COL25A1: variants seen among roughly 807,000 people sequenced by gnomAD.
COL25A1 encodes the protein collagen type XXV alpha 1 chain.
A neutral mutation model predicts 128.4 loss-of-function variants in COL25A1; 103 were observed. The observed-to-expected ratio is 0.80, with a 90% confidence interval of 0.68 to 0.94. COL25A1 has a LOEUF of 0.94. Ranked by LOEUF, COL25A1 falls within the 40% of genes least tolerant of loss-of-function variation. COL25A1 has a pLI of 0.00. For synonymous variants in COL25A1, 279 were observed against 277.2 expected (o/e 1.01, Z -0.06); for missense variants, 745 against 840.0 (o/e 0.89, Z 1.40).
intron 35 of COL25A1, among the ~76,000 whole-genome samples, chr4:108,820,808 A>G (rs1731704650): frequency 2.0e-5 from 3 of 152,160 alleles, no homozygotes; most frequent in African/African-American, 7.2e-5. Flanking sequence ...GTGGGAATGT[A>G]GCTATGGAAA....
chr4:108,876,265 G>A (rs996765975), intron 19 of COL25A1, among the ~76,000 whole-genome samples: 2 of 151,440 alleles, frequency 1.3e-5, no homozygotes, highest in African/African-American at 4.9e-5. Flanking sequence ...AAAGAAGGAA[G>A]AAAAGGATGA....
intron 8 of COL25A1, among the ~76,000 whole-genome samples, chr4:108,967,907 T>C (rs890102327): frequency 6.6e-6 from 1 of 152,134 alleles, no homozygotes; most frequent in Non-Finnish European, 1.5e-5. Context: ...TACAAAGCTA[T>C]GAGGATGAAA....
At chr4:109,039,264 C>T (rs1759641552) in intron 5 of COL25A1, among the ~76,000 whole-genome samples, 2 of 152,114 alleles carry the variant, frequency 1.3e-5, no homozygotes, top group South Asian at 4.2e-4. Context: ...TTTAGCCCTT[C>T]TAAGACTGCA....
At chr4:108,946,447 C>A (rs571108812) in intron 8 of COL25A1, among the ~76,000 whole-genome samples, 2 of 152,174 alleles carry the variant, frequency 1.3e-5, no homozygotes, top group Admixed American at 6.5e-5. Flanking sequence ...TTTGTCATTA[C>A]GCAATTTATG....
chr4:108,932,898 G>A (rs1746921305), intron 11 of COL25A1, among the ~76,000 whole-genome samples: 2 of 152,104 alleles, frequency 1.3e-5, no homozygotes, highest in Admixed American at 1.3e-4. Context: ...TCATTCTTGG[G>A]TCTAGTTTTA....
At chr4:108,955,613 C>A (rs545094655) in intron 8 of COL25A1, among the ~76,000 whole-genome samples, 8 of 152,212 alleles carry the variant, frequency 5.3e-5, no homozygotes, top group Admixed American at 3.9e-4. Context: ...AGAAGAGTAG[C>A]ATGGAACATT....
At chr4:108,885,431 C>T (rs556456437) in intron 18 of COL25A1, among the ~76,000 whole-genome samples, 8 of 152,216 alleles carry the variant, frequency 5.3e-5, no homozygotes, top group African/African-American at 1.7e-4. Flanking sequence ...AAAAGAAAAA[C>T]GATTCTGTCT....
At chr4:108,995,483 A>G (rs1754678720) in intron 6 of COL25A1, among the ~76,000 whole-genome samples, 1 of 152,196 alleles carries the variant, frequency 6.6e-6, no homozygotes. Flanking sequence ...AAGACCAAAT[A>G]TGTATTTGAT....
intron 15 of COL25A1, among the ~76,000 whole-genome samples, chr4:108,896,914 T>G (rs546421121): frequency 1.1e-4 from 16 of 152,346 alleles, no homozygotes; most frequent in African/African-American, 3.8e-4. Context: ...GCTGAACAGT[T>G]TTAAACTATT....
At chr4:108,845,292 T>C in intron 28 of COL25A1, 41 bp from the exon 29 acceptor site, 1 of 1,535,496 alleles carries the variant, frequency 6.5e-7, no homozygotes, top group South Asian at 1.1e-5. Flanking sequence ...GGTAAAGTTA[T>C]TTCCAGTGTA....
chr4:109,126,173 G>A (rs778663463), intron 3 of COL25A1, among the ~76,000 whole-genome samples: 1 of 151,878 alleles, frequency 6.6e-6, no homozygotes, highest in Non-Finnish European at 1.5e-5. Context: ...TAATCCTCAC[G>A]GTAAAAAAGA....
chr4:109,200,333 T>C (rs1218395162), intron 3 of COL25A1, among the ~76,000 whole-genome samples: 2 of 152,176 alleles, frequency 1.3e-5, no homozygotes, highest in Non-Finnish European at 2.9e-5. Context: ...CCACTTCCAT[T>C]TTACCTCATG....
intron 5 of COL25A1, among the ~76,000 whole-genome samples, chr4:109,039,611 T>C (rs1759680221): frequency 1.3e-5 from 2 of 152,220 alleles, no homozygotes; most frequent in Non-Finnish European, 1.5e-5. Context: ...CTGAGCATAC[T>C]TCTCTCACAA....
chr4:108,830,881 C>T (rs944098602), intron 32 of COL25A1, among the ~76,000 whole-genome samples: 2 of 152,224 alleles, frequency 1.3e-5, no homozygotes, highest in Admixed American at 6.5e-5. Flanking sequence ...AGCCAATCTG[C>T]ATCAGCAGCG....
Position 108,862,566 on chromosome 4 carries a change from G to A in COL25A1, c.1153-21C>T, listed in dbSNP as rs199989010. The A allele has an allele frequency of 1.5e-5, 24 of 1,597,040 alleles. No individual in the cohort carries two copies. The Middle Eastern group carries it at 1.2e-3, about 77-fold the overall frequency. ...TTCCCCTATTACAGCAGAATAAGAG[G>A]ATGAAAAAGATAAAATTATAGAAGA... On this transcript the variant is annotated intron_variant, in intron 21 of 37. Coordinates refer to ENST00000399132, the MANE Select transcript of COL25A1 (RefSeq NM_198721.4).
At chr4:108,888,204 C>T (rs768524894) in intron 18 of COL25A1, among the ~76,000 whole-genome samples, 18 of 152,134 alleles carry the variant, frequency 1.2e-4, no homozygotes, top group Non-Finnish European at 2.4e-4. Context: ...AAATTATGTC[C>T]ATCCTAAGTG....
intron 3 of COL25A1, among the ~76,000 whole-genome samples, chr4:109,081,217 G>C (rs985531775): frequency 6.6e-6 from 1 of 152,054 alleles, no homozygotes; most frequent in African/African-American, 2.4e-5. Flanking sequence ...ATACCATCAT[G>C]GCTCAGCTTT....
At chr4:109,252,363 T>A (rs1304426349) in intron 3 of COL25A1, among the ~76,000 whole-genome samples, 1 of 152,132 alleles carries the variant, frequency 6.6e-6, no homozygotes, top group Non-Finnish European at 1.5e-5. Flanking sequence ...CCTTTATGAG[T>A]GGAAGTCCAC....
At chr4:109,180,371 A>C (rs1774512344) in intron 3 of COL25A1, among the ~76,000 whole-genome samples, 1 of 152,162 alleles carries the variant, frequency 6.6e-6, no homozygotes, top group African/African-American at 2.4e-5. Flanking sequence ...GTTATTTTAA[A>C]ACTCTAAAGG....
Sources: gnomAD v4.1 joint callset for allele counts (sites outside exome capture counted in the v4.1 genomes callset) on GRCh38, gnomAD v4.1.1 for gene constraint, MANE v1.5 for transcripts, NCBI Gene and HGNC (gene_info 2026-07-23, HGNC 2026-07-21) for gene names.